Variants in DRC3 observed in about 807,000 individuals in gnomAD.
DRC3 encodes the protein dynein regulatory complex subunit 3, also known as leucine rich repeat containing 48.
In DRC3, 45 loss-of-function variants were observed where a neutral mutation model predicts 57.6. The ratio of observed to expected loss-of-function variants is 0.78; its 90% confidence interval spans 0.62 to 1.00. The LOEUF (loss-of-function observed/expected upper bound fraction) is 1.00, where lower values mean the gene tolerates loss of function less well. Ranked by LOEUF, DRC3 falls within the 50% of genes least tolerant of loss-of-function variation. The probability of loss-of-function intolerance (pLI) is 0.00; values close to 1 mark genes in which losing one functional copy is unlikely to be tolerated. For synonymous variants in DRC3, 257 were observed against 272.3 expected, an observed-to-expected ratio of 0.94 and a Z score of 0.55; for missense variants, 655 against 675.2, an observed-to-expected ratio of 0.97 and a Z score of 0.33.
At chr17:17,986,219 C>T (rs769681052) in intron 4 of DRC3, among the ~76,000 whole-genome samples, 1 of 152,152 alleles carries the variant, frequency 6.6e-6, no homozygotes, top group Admixed American at 6.6e-5. Context: ...GCCCGAACCT[C>T]GATTCCTTTA....
At chr17:18,000,550 C>G (rs1369460585) in intron 9 of DRC3, among the ~76,000 whole-genome samples, 1 of 152,126 alleles carries the variant, frequency 6.6e-6, no homozygotes, top group Non-Finnish European at 1.5e-5. Context: ...TTTTTCCCAA[C>G]CTTTTGCTCT....
rs761904241 is a variant in DRC3, at chr17:17,997,546, C to T, written c.911C>T (p.Thr304Ile). Residue 304 changes from threonine to isoleucine, a missense_variant, in exon 9 of 14, where the codon ACC (threonine) becomes ATC (isoleucine). Coordinates refer to ENST00000399187, the MANE Select transcript of DRC3 (RefSeq NM_031294.4). ...GAGAAGCGGAAAACAGAGCTTGACA[C>T]CTTCAGTGAATGTGTCCGTGAGGCC... ...QQEKRKTELD[T>I]FSECVREAIQ... The T allele has an allele frequency of 1.9e-6, 3 of 1,610,968 alleles. No individual in the cohort carries two copies. Among genetic ancestry groups the T allele is most frequent in the Admixed American group, 3.4e-5 (2 of 59,488 alleles).
At chr17:17,998,754 C>G (rs900998994) in intron 9 of DRC3, among the ~76,000 whole-genome samples, 1 of 152,178 alleles carries the variant, frequency 6.6e-6, no homozygotes, top group African/African-American at 2.4e-5. Context: ...TTCTCAAGAC[C>G]CTCCTTGTTA....
At chr17:17,979,975 G>C (rs1326848818) in intron 3 of DRC3, among the ~76,000 whole-genome samples, 2 of 152,120 alleles carry the variant, frequency 1.3e-5, no homozygotes, top group African/African-American at 4.8e-5. Context: ...TGGGAACCCA[G>C]GATAGGTGCA....
chr17:18,012,265 C>A (rs547959563), intron 12 of DRC3, among the ~76,000 whole-genome samples: 2 of 152,170 alleles, frequency 1.3e-5, no homozygotes, highest in Non-Finnish European at 2.9e-5. Flanking sequence ...GGGGAAAAGA[C>A]AGTCTCTTCA....
Position 17,988,033 on chromosome 17 carries a change from C to G in DRC3, c.379C>G (p.Leu127Val), listed in dbSNP as rs1234123572. The G allele has an allele frequency of 1.5e-5, 25 of 1,614,028 alleles. No individual in the cohort carries two copies. The highest frequency in any genetic ancestry group is 2.1e-5 in the Non-Finnish European group (25 of 1,179,902). Residue 127 changes from leucine (L) to valine (V), a missense_variant, in exon 5 of 14, where the codon CTG (leucine) becomes GTG (valine). Physicochemically the swap from Leu to Val is conservative, Grantham distance 32. Transcript: ENST00000399187. ...CAACCGGATCTCCAAGATCGACTCCCTGGACGCCCTCGTCAAGCTGCAGGT... is the reference window on the plus strand; with the variant it reads ...CAACCGGATCTCCAAGATCGACTCCGTGGACGCCCTCGTCAAGCTGCAGGT... ...FNNRISKIDS[L>V]DALVKLQVLS... is the part of the protein sequence containing the mutation.
intron 9 of DRC3, among the ~76,000 whole-genome samples, chr17:18,002,698 C>G (rs1267370406): frequency 6.6e-6 from 1 of 152,166 alleles, no homozygotes; most frequent in Admixed American, 6.5e-5. Flanking sequence ...TGTACACGGC[C>G]TCTGATCCCC....
At position 17,995,083 on chromosome 17, in the gene DRC3, C is replaced by T. The variant is rs1212962344; in HGVS notation, c.796C>T (p.Leu266=). The change falls in exon 8 of 14, where the codon CTG becomes TTG. Residue 266 remains leucine, a synonymous_variant. Transcript: ENST00000399187. ...CTCAGAGGGCAACAATCTGTCCTAC[C>T]TGCCTGGTGTCGGTGAGCTCCTTGA... The part of the protein sequence containing the change: ...EDSEGNNLSY[L]PGVGELLETY... 1.2e-6 allele frequency: 2 copies of T among 1,613,832 alleles called. No homozygotes were observed. The highest frequency in any genetic ancestry group is 1.7e-6 in the Non-Finnish European group (2 of 1,179,710).
chr17:17,994,882 T>A (rs1016293013), intron 7 of DRC3, 117 bp from the exon 8 acceptor site: 5 of 697,296 alleles, frequency 7.2e-6, no homozygotes, highest in African/African-American at 1.8e-5. Context: ...CCTCTGCACA[T>A]GCCATTCTCT....
intron 2 of DRC3, among the ~76,000 whole-genome samples, chr17:17,975,623 G>A (rs1199427562): frequency 6.6e-6 from 1 of 150,802 alleles, no homozygotes; most frequent in Non-Finnish European, 1.5e-5. Flanking sequence ...GGAAACCGCA[G>A]GGGAAGCCAT....
chr17:18,007,994 C>T (rs778129751), intron 12 of DRC3: 1 of 256,586 alleles, frequency 3.9e-6, no homozygotes, highest in Non-Finnish European at 6.1e-6. Flanking sequence ...CACACTTTTA[C>T]ACAACACCTT....
At chr17:18,012,995 T>G (rs1052960493) in intron 12 of DRC3, among the ~76,000 whole-genome samples, 2 of 152,114 alleles carry the variant, frequency 1.3e-5, no homozygotes, top group Admixed American at 6.5e-5. Context: ...TAAAAACATC[T>G]GAACAGATGT....
At chr17:17,995,444 G>A (rs1405641392) in intron 8 of DRC3, among the ~76,000 whole-genome samples, 2 of 152,188 alleles carry the variant, frequency 1.3e-5, no homozygotes, top group Non-Finnish European at 2.9e-5. Context: ...TGTGCACTTG[G>A]ATCTGGCATT....
rs545739110 is a variant in DRC3 at position 18,012,216 on chromosome 17, G to A, written c.1327-3848G>A. 1.3e-4 allele frequency among the ~76,000 whole-genome samples: 20 copies of A among 152,294 alleles called. 1 individual carries two copies. The highest frequency in any genetic ancestry group is 1.0e-3 in the South Asian group (5 of 4,826). Reference sequence around the variant, plus strand: ...TCAGAAATTAATCTATATATTTACAGCCAACTGATTTTTGACAAAAGCGCC... The same window carrying A: ...TCAGAAATTAATCTATATATTTACAACCAACTGATTTTTGACAAAAGCGCC... On this transcript the variant is annotated intron_variant, in intron 12 of 13. Transcript: ENST00000399187.
rs1196069533 is a variant in DRC3, at chr17:17,994,519, C to T, written c.711+101C>T. The T allele has an allele frequency of 2.8e-6, 4 of 1,449,904 alleles. No homozygotes were observed. In the Admixed American group the frequency reaches 6.6e-5, roughly 24 times the overall value. The allele number at this position is 1,449,904 out of a possible 1,614,324, so 89.8% of individuals were successfully genotyped here. On this transcript the variant is annotated intron_variant, in intron 7 of 13. Coordinates refer to ENST00000399187, the MANE Select transcript of DRC3 (RefSeq NM_031294.4). ...CTCAGGGATCCCCAGGCTCTGAAAA[C>T]ACAGAAATCATGCTCCCTCCACAGG...
intron 9 of DRC3, among the ~76,000 whole-genome samples, chr17:17,998,676 G>A (rs148986777): frequency 7.6e-4 from 115 of 152,098 alleles, no homozygotes; most frequent in African/African-American, 2.4e-3. Flanking sequence ...TGTGCTTCCC[G>A]CCTCCCCAAC....
intron 3 of DRC3, chr17:17,981,093 A>C (rs2042660702): frequency 6.3e-6 from 1 of 157,912 alleles, no homozygotes; most frequent in East Asian, 1.7e-4. Context: ...GTCGCACCTC[A>C]CTTTACAAAA....
intron 3 of DRC3, 95 bp from the exon 4 acceptor site, chr17:17,983,733 A>C (rs891433321): frequency 6.2e-6 from 5 of 812,534 alleles, no homozygotes; most frequent in African/African-American, 5.1e-5. Flanking sequence ...GAAGAGTTCT[A>C]GGTCCCTTTT....
intron 5 of DRC3, among the ~76,000 whole-genome samples, chr17:17,992,304 A>AT (rs1479267594): frequency 6.6e-6 from 1 of 152,214 alleles, no homozygotes; most frequent in Non-Finnish European, 1.5e-5. Context: ...AATTTAAAAG[A>AT]TTTTTAAAAA....
Sources: gnomAD v4.1 joint callset for allele counts (sites outside exome capture counted in the v4.1 genomes callset) on GRCh38, gnomAD v4.1.1 for gene constraint, MANE v1.5 for transcripts, NCBI Gene and HGNC (gene_info 2026-07-23, HGNC 2026-07-21) for gene names.